NAV1: variants seen among roughly 807,000 people sequenced by gnomAD.
NAV1 encodes pore membrane and/or filament interacting like protein 3.
Under a neutral mutation model 175.2 loss-of-function variants are expected in NAV1, and 18 were observed. The observed-to-expected ratio is 0.10, with a 90% CI of 0.07 to 0.15. The LOEUF (loss-of-function observed/expected upper bound fraction) is 0.15. Among genes scored for constraint, NAV1 ranks in the 10% least tolerant of loss-of-function variants. The pLI is 1.00. For synonymous variants in NAV1, 897 were observed against 978.7 expected (o/e 0.92, Z 1.56); for missense variants, 1,731 against 2,436.6 (o/e 0.71, Z 6.10).
chr1:201,785,161 T>C (rs1391369768), intron 7 of NAV1, 149 bp from the exon 12 acceptor site: 3 of 674,182 alleles, frequency 4.4e-6, no homozygotes, highest in South Asian at 2.2e-5. Context: ...ATAGTATCTC[T>C]TGGTTTCTAG....
chr1:201,803,290 G>C (rs1362482261), intron 15 of NAV1, among the ~76,000 whole-genome samples: 1 of 152,200 alleles, frequency 6.6e-6, no homozygotes, highest in Non-Finnish European at 1.5e-5. Flanking sequence ...TAAAACTGTA[G>C]AGGGCTGGCT....
upstream of NAV1, chr1:201,622,863 C>T (rs564449680): frequency 4.1e-6 from 4 of 985,876 alleles, no homozygotes; most frequent in South Asian, 4.7e-5. Context: ...GACAGTAGCC[C>T]ACACTTCCAG....
At chr1:201,822,787 C>T (rs576278302) in exon 30 of NAV1, 4 of 152,762 alleles carry the variant, frequency 2.6e-5, no homozygotes, top group South Asian at 4.1e-4. Flanking sequence ...TACAGTTGCA[C>T]ATCTGGGCCC....
intron 3 of NAV1, among the ~76,000 whole-genome samples, chr1:201,778,734 T>G (rs1168151582): frequency 6.6e-6 from 1 of 152,222 alleles, no homozygotes; most frequent in Non-Finnish European, 1.5e-5. Flanking sequence ...AGCCAAAATG[T>G]CCAAACCACC....
At chr1:201,805,874 T>G (rs947477484) in intron 17 of NAV1, among the ~76,000 whole-genome samples, 2 of 152,026 alleles carry the variant, frequency 1.3e-5, no homozygotes, top group African/African-American at 4.8e-5. Context: ...TGAGCCAAGA[T>G]TGCATCACTG....
chr1:201,610,091 C>G (rs531384296), intron 2 of NAV1, among the ~76,000 whole-genome samples: 6 of 152,188 alleles, frequency 3.9e-5, no homozygotes, highest in African/African-American at 1.2e-4. Flanking sequence ...CTGCTCTACT[C>G]AGGGTGAAGG....
intron 1 of NAV1, among the ~76,000 whole-genome samples, chr1:201,563,754 A>C (rs1287144026): frequency 1.3e-5 from 2 of 152,196 alleles, no homozygotes; most frequent in Non-Finnish European, 2.9e-5. Flanking sequence ...TGACAAGCAG[A>C]AGCTTTGCAG....
At chr1:201,627,417 C>A (rs564320957) in intron 1 of NAV1, among the ~76,000 whole-genome samples, 5 of 152,206 alleles carry the variant, frequency 3.3e-5, no homozygotes, top group African/African-American at 2.4e-5. Flanking sequence ...AGATTACAGG[C>A]ATGCACCACC....
intron 3 of NAV1, among the ~76,000 whole-genome samples, chr1:201,758,983 T>C (rs1388282844): frequency 6.6e-6 from 1 of 152,230 alleles, no homozygotes; most frequent in Non-Finnish European, 1.5e-5. Context: ...ATGGAAGCCA[T>C]ATCTAACTTG....
At position 201,746,292 on chromosome 1, in the gene NAV1, TACC is replaced by T. The variant is rs1199862862; in HGVS notation, c.1226+27540_1226+27542del. Among the ~76,000 whole-genome samples the T allele has an allele frequency of 5.3e-5, 8 of 152,350 alleles. No individual in the cohort carries two copies. In the East Asian group the frequency reaches 1.5e-3, roughly 29 times the overall value. On this transcript the variant is annotated intron_variant, in intron 3 of 29. Transcript: ENST00000367296. The stretch of plus-strand genomic sequence containing the variant: ...TGATGACAAAAAATAGCTGATAGGA[TACC>T]ACTGTAAGAGCTAATATAGCTGTAC...
chr1:201,709,447 T>G (rs921039580), intron 1 of NAV1, among the ~76,000 whole-genome samples: 2 of 152,200 alleles, frequency 1.3e-5, no homozygotes, highest in Non-Finnish European at 2.9e-5. Flanking sequence ...CTCCTCAACC[T>G]AGGCCCCCTC....
intron 1 of NAV1, among the ~76,000 whole-genome samples, chr1:201,662,951 G>A (rs1194006146): frequency 1.3e-5 from 2 of 152,238 alleles, no homozygotes; most frequent in Non-Finnish European, 2.9e-5. Context: ...TGTTTCCAGG[G>A]GAAAGGGACG....
At chr1:201,823,491 T>A (rs1200706798) in exon 30 of NAV1, 5 of 152,378 alleles carry the variant, frequency 3.3e-5, no homozygotes, top group Non-Finnish European at 7.3e-5. Context: ...GTGGCAGCTC[T>A]ACGGTGCTTA....
intron 2 of NAV1, among the ~76,000 whole-genome samples, chr1:201,615,627 T>C (rs531457886): frequency 1.3e-5 from 2 of 152,230 alleles, no homozygotes; most frequent in African/African-American, 4.8e-5. Context: ...TTATCTTTAC[T>C]CTTTCATTGC....
At chr1:201,790,504 T>A (rs1161613918) in intron 11 of NAV1, 50 bp from the exon 16 acceptor site, 2 of 1,610,014 alleles carry the variant, frequency 1.2e-6, no homozygotes. Flanking sequence ...ACCTCCATAG[T>A]AACTACTTCC....
chr1:201,815,811 T>C (rs1678994390), intron 28 of NAV1, among the ~76,000 whole-genome samples: 1 of 152,154 alleles, frequency 6.6e-6, no homozygotes, highest in South Asian at 2.1e-4. Context: ...GGATCTTGGC[T>C]CACTGCAACC....
intron 2 of NAV1, among the ~76,000 whole-genome samples, chr1:201,591,246 C>A (rs1450094672): frequency 6.6e-6 from 1 of 152,202 alleles, no homozygotes; most frequent in African/African-American, 2.4e-5. Flanking sequence ...CACAGATTTT[C>A]TTCTCATCCT....
At chr1:201,794,775 G>T in intron 15 of NAV1, 198 bp downstream of exon 19, 1 of 597,468 alleles carries the variant, frequency 1.7e-6, no homozygotes. Flanking sequence ...CCTAGGGCAT[G>T]AAGGCAAGTA....
chr1:201,621,060 C>T (rs989030821), upstream of NAV1, among the ~76,000 whole-genome samples: 5 of 151,792 alleles, frequency 3.3e-5, no homozygotes, highest in African/African-American at 9.7e-5. Flanking sequence ...AGTGGGACTA[C>T]AGGCACACAC....
Sources: gnomAD v4.1 joint callset for allele counts (sites outside exome capture counted in the v4.1 genomes callset) on GRCh38, gnomAD v4.1.1 for gene constraint, MANE v1.5 for transcripts, NCBI Gene and HGNC (gene_info 2026-07-23, HGNC 2026-07-21) for gene names.